CDH13: variants seen among roughly 807,000 people sequenced by gnomAD.
CDH13 encodes cadherin-13.
CDH13 carries 24 observed loss-of-function variants against 63.8 expected under a neutral mutation model. The ratio of observed to expected loss-of-function variants is 0.38; its 90% CI spans 0.27 to 0.53. The LOEUF is 0.53. Ranked by LOEUF, CDH13 falls within the 20% of genes least tolerant of loss-of-function variation. CDH13 has a pLI of 0.85. For synonymous variants in CDH13, 503 were observed against 355.3 expected (o/e 1.42, Z -4.67); for missense variants, 1,049 against 903.1 (o/e 1.16, Z -2.07).
At chr16:83,205,602 C>A (rs1410507788) in intron 4 of CDH13, among the ~76,000 whole-genome samples, 1 of 87,916 alleles carries the variant, frequency 1.1e-5, no homozygotes, top group African/African-American at 4.2e-5. Context: ...AAGAGGAAAA[C>A]CTTTTTTTTT....
chr16:83,678,830 A>G (rs3784943), intron 10 of CDH13, among the ~76,000 whole-genome samples: 34,502 of 152,148 alleles, frequency 0.23, 3,975 homozygotes, highest in East Asian at 0.35. Flanking sequence ...GCACTGCTTT[A>G]TGACAAAGGT....
chr16:83,372,835 G>T (rs143796640), intron 6 of CDH13, among the ~76,000 whole-genome samples: 23 of 151,356 alleles, frequency 1.5e-4, no homozygotes, highest in Admixed American at 6.6e-4. Flanking sequence ...AAACTTGCAA[G>T]TAAAGGAGAC....
rs961171187 is a variant in CDH13, at chr16:83,797,637, A to G, written c.*2607A>G. The G allele has an allele frequency of 6.6e-6, 1 of 152,250 alleles. No homozygotes were observed. 9.4% of individuals were successfully genotyped at this position (152,250 alleles called of 1,614,324 possible). A position where few individuals can be genotyped will look rare whatever the true frequency, so the allele number is the denominator to read the frequency against. On this transcript the variant is annotated 3_prime_UTR_variant, in exon 14 of 14. Transcript: ENST00000567109. ...TATATTACATTGTTTACTGAAAACC[A>G]TAGTAGAATCAAAATGTTATTTCAT...
chr16:83,253,265 G>A (rs1024301133), intron 5 of CDH13, among the ~76,000 whole-genome samples: 2 of 152,108 alleles, frequency 1.3e-5, no homozygotes, highest in Non-Finnish European at 2.9e-5. Context: ...GTTGGGGGTG[G>A]GACTCCCTCT....
intron 2 of CDH13, among the ~76,000 whole-genome samples, chr16:83,005,946 G>A (rs116135914): frequency 1.5e-3 from 234 of 152,286 alleles, no homozygotes; most frequent in African/African-American, 5.4e-3. Flanking sequence ...TGGTTGGTTG[G>A]TTTTGTTCAC....
rs568423098 is a variant in CDH13, at chr16:82,979,313, G to A, written c.158-52697G>A. ...TATGACTTTTGGGGACTGTTGGGAG[G>A]GCAGAATTGTCTTTTGAAATGTGAG... On this transcript the variant is annotated intron_variant, in intron 2 of 13. Transcript: ENST00000567109. 4.6e-5 allele frequency among the ~76,000 whole-genome samples: 7 copies of A among 152,260 alleles called. No individual in the cohort carries two copies. In the East Asian group the frequency reaches 1.2e-3, roughly 25 times the overall value.
intron 3 of CDH13, among the ~76,000 whole-genome samples, chr16:83,104,345 A>G (rs777514319): frequency 6.6e-6 from 1 of 152,186 alleles, no homozygotes; most frequent in Non-Finnish European, 1.5e-5. Context: ...TTATTAATGT[A>G]AACTGCATGG....
intron 1 of CDH13, among the ~76,000 whole-genome samples, chr16:82,687,067 C>A (rs1915148193): frequency 6.6e-6 from 1 of 152,168 alleles, no homozygotes. Context: ...TACAAATGGG[C>A]AGAGAGGGGA....
chr16:82,891,055 A>C (rs5818413), intron 2 of CDH13, among the ~76,000 whole-genome samples: 1 of 12,286 alleles, frequency 8.1e-5, no homozygotes, highest in Non-Finnish European at 1.6e-4. Flanking sequence ...TTTTTTTTTT[A>C]AGTTTTGTTG....
chr16:83,089,164 C>G (rs1469064853), intron 3 of CDH13, among the ~76,000 whole-genome samples: 1 of 152,176 alleles, frequency 6.6e-6, no homozygotes, highest in African/African-American at 2.4e-5. Flanking sequence ...AGGTGGCTAT[C>G]ATCTCCATTT....
Position 83,285,997 on chromosome 16 carries a change from A to G in CDH13, c.637-58865A>G, listed in dbSNP as rs571798317. Among the ~76,000 whole-genome samples, 165 of 152,254 alleles carry G rather than the reference A, an allele frequency of 1.1e-3. 1 individual carries two copies. The highest frequency in any genetic ancestry group is 4.7e-4 in the Non-Finnish European group (32 of 68,004). ...GCCCACTTTCTGTTCCAGGTTTCAG[A>G]GGAGCAAAGAGCCGTTGCCCAAGAA... On this transcript the variant is annotated intron_variant, in intron 5 of 13. Coordinates refer to ENST00000567109, the MANE Select transcript of CDH13 (RefSeq NM_001257.5).
chr16:83,656,107 C>T (rs1912844718), intron 8 of CDH13, among the ~76,000 whole-genome samples: 1 of 152,184 alleles, frequency 6.6e-6, no homozygotes, highest in Admixed American at 6.5e-5. Flanking sequence ...TCACACCCAG[C>T]CCCTGGCAAC....
chr16:82,772,797 A>G (rs1376832290), intron 1 of CDH13, among the ~76,000 whole-genome samples: 2 of 152,198 alleles, frequency 1.3e-5, no homozygotes, highest in Non-Finnish European at 2.9e-5. Context: ...GGGATGGCTG[A>G]GCTCTGAACC....
intron 2 of CDH13, among the ~76,000 whole-genome samples, chr16:82,943,828 C>T (rs933021133): frequency 6.6e-6 from 1 of 152,192 alleles, no homozygotes; most frequent in African/African-American, 2.4e-5. Context: ...TTAATAATGA[C>T]TTAGTTTTCT....
intron 8 of CDH13, among the ~76,000 whole-genome samples, chr16:83,655,847 T>C (rs1912821647): frequency 1.3e-5 from 2 of 151,936 alleles, no homozygotes. Context: ...AGAGGACAGG[T>C]TGTAGAGAGA....
At chr16:83,162,516 T>C (rs8046016) in intron 4 of CDH13, among the ~76,000 whole-genome samples, 32,952 of 152,048 alleles carry the variant, frequency 0.22, 4,923 homozygotes, top group African/African-American at 0.43. Context: ...TGCTAAGCCT[T>C]AGTTTCCCTA....
At chr16:82,961,716 A>G (rs1473256541) in intron 2 of CDH13, among the ~76,000 whole-genome samples, 1 of 152,184 alleles carries the variant, frequency 6.6e-6, no homozygotes, top group Non-Finnish European at 1.5e-5. Flanking sequence ...AATGAGAACA[A>G]ACTGGTCTAT....
intron 6 of CDH13, among the ~76,000 whole-genome samples, chr16:83,471,835 A>T (rs1319480648): frequency 1.3e-5 from 2 of 152,208 alleles, no homozygotes; most frequent in Non-Finnish European, 2.9e-5. Context: ...CTTGAGTCTC[A>T]TCGAGCACAT....
intron 5 of CDH13, among the ~76,000 whole-genome samples, chr16:83,266,089 A>G (rs1046062233): frequency 7.2e-5 from 11 of 152,032 alleles, no homozygotes; most frequent in Non-Finnish European, 1.5e-4. Context: ...GGCGCCTGCC[A>G]CCACGTCCGG....
Sources: gnomAD v4.1 joint callset for allele counts (sites outside exome capture counted in the v4.1 genomes callset) on GRCh38, gnomAD v4.1.1 for gene constraint, MANE v1.5 for transcripts, NCBI Gene and HGNC (gene_info 2026-07-23, HGNC 2026-07-21) for gene names.